UGGT1: variants seen among roughly 807,000 people sequenced by gnomAD.
UGGT1 encodes UDP-glucose glycoprotein glucosyltransferase 1.
UGGT1 carries 107 observed loss-of-function variants against 203.9 expected under a neutral mutation model. The observed-to-expected ratio is 0.52, with a 90% CI of 0.45 to 0.62. UGGT1 has a LOEUF of 0.62. UGGT1 is among the 20% of genes least tolerant of loss of function. The probability of loss-of-function intolerance (pLI) is 0.00; values close to 1 mark genes in which losing one functional copy is unlikely to be tolerated. For missense variants in UGGT1, 1,673 were observed against 1,867.2 expected, an observed-to-expected ratio of 0.90 and a Z score of 1.92; for synonymous variants, 628 against 653.5, an observed-to-expected ratio of 0.96 and a Z score of 0.59.
intron 40 of UGGT1, among the ~76,000 whole-genome samples, chr2:128,188,363 A>G (rs1017513329): frequency 6.6e-6 from 1 of 152,072 alleles, no homozygotes; most frequent in African/African-American, 2.4e-5. Context: ...ATTCTTTAAA[A>G]CAAGCATGTT....
chr2:128,165,343 T>C lies in UGGT1; in HGVS notation c.2921+518T>C, dbSNP rs936946532. 9.1e-4 allele frequency among the ~76,000 whole-genome samples: 139 copies of C among 152,276 alleles called. 1 individual carries two copies. The highest frequency in any genetic ancestry group is 3.1e-3 in the African/African-American group (130 of 41,546). On this transcript the variant is annotated intron_variant, in intron 26 of 40. Transcript: ENST00000259253. ...TGGAGGTAGAGGCTGCAGTGAGCCATGATCTCATCACTGCACTTCCAGCCT... is the reference window on the plus strand; with the variant it reads ...TGGAGGTAGAGGCTGCAGTGAGCCACGATCTCATCACTGCACTTCCAGCCT...
In UGGT1 at chr2:128,171,309, A is replaced by T. The variant is rs774942086; in HGVS notation, c.3104+25A>T. ...GGTAAAACATGCTATGTAAGAAAAC[A>T]GTTGAAGAAATTGTACTGAATCCAA... On this transcript the variant is annotated intron_variant, in intron 28 of 40. Coordinates refer to ENST00000259253, the MANE Select transcript of UGGT1 (RefSeq NM_020120.4). 3.3e-5 allele frequency: 52 copies of T among 1,596,992 alleles called. 2 individuals are homozygous for T. In the South Asian group the frequency reaches 4.7e-4, roughly 15 times the overall value.
At chr2:128,173,132 TGTG>T (rs1471446517) in intron 29 of UGGT1, among the ~76,000 whole-genome samples, 1 of 152,246 alleles carries the variant, frequency 6.6e-6, no homozygotes, top group Non-Finnish European at 1.5e-5. Flanking sequence ...TAGAATCAAA[TGTG>T]GTCTTCTGTA....
At chr2:128,176,964 G>GGCTGGTTCCAAGAT in intron 32 of UGGT1, 66 bp downstream of exon 32, 2 of 1,482,322 alleles carry the variant, frequency 1.3e-6, no homozygotes, top group Non-Finnish European at 1.9e-6. Context: ...ATGTATCTTG[G>GGCTGGTTCCAAGAT]AACCAGCCCA....
chr2:128,172,873 AAAC>A (rs1268276962), intron 29 of UGGT1, 111 bp downstream of exon 29: 1 of 1,009,770 alleles, frequency 9.9e-7, no homozygotes, highest in Non-Finnish European at 1.4e-6. Context: ...ATATTTTTTT[AAAC>A]AACAGCTTTA....
chr2:128,194,861 T>G lies in UGGT1; in HGVS notation c.*5119T>G, dbSNP rs1006465706. On this transcript the variant is annotated 3_prime_UTR_variant, in exon 41 of 41. Transcript: ENST00000259253. ...AGGATACAGATTTCTCATTTCATTCTTTGGTCTTTCATTTCTCTATATACA... is the reference window on the plus strand; with the variant it reads ...AGGATACAGATTTCTCATTTCATTCGTTGGTCTTTCATTTCTCTATATACA... 4 of 152,210 alleles carry G rather than the reference T, an allele frequency of 2.6e-5. No individual in the cohort carries two copies. The highest frequency in any genetic ancestry group is 9.7e-5 in the African/African-American group (4 of 41,442). The allele number at this position is 152,210 out of a possible 1,614,324, so 9.4% of individuals were successfully genotyped here. A position where few individuals can be genotyped will look rare whatever the true frequency, so the allele number is the denominator to read the frequency against.
chr2:128,105,063 A>G (rs1310293472), intron 3 of UGGT1, among the ~76,000 whole-genome samples: 6 of 151,024 alleles, frequency 4.0e-5, no homozygotes. Context: ...TTTTTAATAC[A>G]ACGGAGATGA....
chr2:128,178,340 TA>T, intron 33 of UGGT1, 127 bp from the exon 34 acceptor site: 1 of 798,968 alleles, frequency 1.3e-6, no homozygotes, highest in Non-Finnish European at 2.0e-6. Flanking sequence ...GGAAGCTTCA[TA>T]ACCACTCCTG....
At chr2:128,163,810 A>G (rs1318540421) in intron 25 of UGGT1, among the ~76,000 whole-genome samples, 2 of 152,250 alleles carry the variant, frequency 1.3e-5, no homozygotes, top group African/African-American at 2.4e-5. Flanking sequence ...AATTAGAAAC[A>G]ACACAGATGT....
chr2:128,173,130 A>G (rs1019073520), intron 29 of UGGT1, among the ~76,000 whole-genome samples: 5 of 152,216 alleles, frequency 3.3e-5, no homozygotes, highest in African/African-American at 1.2e-4. Flanking sequence ...AATAGAATCA[A>G]ATGTGGTCTT....
At chr2:128,151,631 C>T (rs564515417) in intron 18 of UGGT1, among the ~76,000 whole-genome samples, 104 of 152,178 alleles carry the variant, frequency 6.8e-4, no homozygotes, top group African/African-American at 8.9e-4. Context: ...GACTTCAGGT[C>T]GGGCACGGTG....
chr2:128,116,702 T>G (rs577053304), intron 8 of UGGT1, among the ~76,000 whole-genome samples: 1 of 152,286 alleles, frequency 6.6e-6, no homozygotes, highest in East Asian at 1.9e-4. Context: ...TTTTTGTATC[T>G]TTAGCAGAGA....
chr2:128,094,359 G>A (rs1245174593), intron 1 of UGGT1, among the ~76,000 whole-genome samples: 1 of 152,094 alleles, frequency 6.6e-6, no homozygotes, highest in Non-Finnish European at 1.5e-5. Flanking sequence ...TAACGATGAT[G>A]TACTATTCTG....
At position 128,160,465 on chromosome 2, in the gene UGGT1, G is replaced by A; in HGVS notation, c.2568G>A (p.Met856Ile). The A allele has an allele frequency of 6.3e-7, 1 of 1,599,000 alleles. No homozygotes were observed. Among genetic ancestry groups the A allele is most frequent in the Non-Finnish European group, 8.5e-7 (1 of 1,174,776 alleles). ...ADIAEFSVGGMDFSLFKEVFE... is the reference protein window; with the variant it reads ...ADIAEFSVGGIDFSLFKEVFE... ...AATAATGATTACTTTCCTAGGGAAT[G>A]GATTTCAGTCTTTTTAAAGAGGTCT... Residue 856 changes from methionine to isoleucine, a missense_variant, in exon 24 of 41, where the codon ATG (methionine) becomes ATA (isoleucine). Coordinates refer to ENST00000259253, the MANE Select transcript of UGGT1 (RefSeq NM_020120.4).
chr2:128,159,606 A>T lies in UGGT1; in HGVS notation c.2448A>T (p.Ala816=), dbSNP rs906882929. The stretch of plus-strand genomic sequence containing the variant: ...CTCAGATCTCCAGAGCAATCTGGGC[A>T]GCTCTCCAAACTCAGACTTCCAACG... The part of the protein sequence containing the change: ...ENTQISRAIW[A]ALQTQTSNAA... Residue 816 remains alanine (A), a synonymous_variant, in exon 23 of 41, where the codon GCA becomes GCT. Transcript: ENST00000259253. 8.1e-6 allele frequency: 13 copies of T among 1,614,114 alleles called. No individual in the cohort carries two copies. The highest frequency in any genetic ancestry group is 1.1e-5 in the Non-Finnish European group (13 of 1,180,042).
chr2:128,151,282 G>A (rs369725856), intron 18 of UGGT1: 108 of 589,270 alleles, frequency 1.8e-4, no homozygotes, highest in African/African-American at 1.8e-3. Context: ...CATCTCCTTG[G>A]CCTGCTTCTT....
At chr2:128,115,032 C>T in intron 6 of UGGT1, 92 bp from the exon 7 acceptor site, 1 of 1,065,976 alleles carries the variant, frequency 9.4e-7, no homozygotes, top group Non-Finnish European at 1.4e-6. Flanking sequence ...GAGGTAATGG[C>T]TAGTAGATGC....
chr2:128,174,966 C>T (rs2104795399), intron 31 of UGGT1, 108 bp downstream of exon 31: 3 of 880,178 alleles, frequency 3.4e-6, no homozygotes, highest in African/African-American at 1.7e-5. Flanking sequence ...ATTTAATTTG[C>T]AGTTGTATGT....
Position 128,113,935 on chromosome 2 carries a change from C to T in UGGT1, c.696+677C>T, listed in dbSNP as rs1687981066. Among the ~76,000 whole-genome samples the T allele has an allele frequency of 7.1e-4, 2 of 2,834 alleles. 1 individual carries two copies. The highest frequency in any genetic ancestry group is 8.2e-4 in the African/African-American group (2 of 2,430). 1.9% of individuals were successfully genotyped at this position (2,834 alleles called of 152,430 possible). ...GGCGGAGCTTGCAGTGAGCCGAGATCGCGCCACTGCACTCCAGCCTGGGCG... is the reference window on the plus strand; with the variant it reads ...GGCGGAGCTTGCAGTGAGCCGAGATTGCGCCACTGCACTCCAGCCTGGGCG... On this transcript the variant is annotated intron_variant, in intron 6 of 40. Transcript: ENST00000259253.
Sources: gnomAD v4.1 joint callset for allele counts (sites outside exome capture counted in the v4.1 genomes callset) on GRCh38, gnomAD v4.1.1 for gene constraint, MANE v1.5 for transcripts, NCBI Gene and HGNC (gene_info 2026-07-23, HGNC 2026-07-21) for gene names.